Variants in AZI2 observed in about 807,000 individuals in gnomAD.
The protein encoded by AZI2 is 5-azacytidine induced 2.
A neutral mutation model predicts 45.8 loss-of-function variants in AZI2; 22 were observed. That is an observed-to-expected ratio of 0.48 (90% CI 0.34 to 0.69). The LOEUF is 0.69. Ranked by LOEUF, AZI2 falls within the 30% of genes least tolerant of loss-of-function variation. The pLI, the probability that AZI2 is intolerant of heterozygous loss-of-function variation, is 0.01. For missense variants in AZI2, 417 were observed against 441.5 expected (o/e 0.94, Z 0.50); for synonymous variants, 137 against 156.7 (o/e 0.87, Z 0.94).
intron 1 of AZI2, among the ~76,000 whole-genome samples, chr3:28,347,120 A>G (rs1704272839): frequency 6.6e-6 from 1 of 152,216 alleles, no homozygotes; most frequent in Non-Finnish European, 1.5e-5. Context: ...TACTGGTGTT[A>G]TTGAAAATTA....
intron 7 of AZI2, chr3:28,325,168 A>G (rs376240452): frequency 2.1e-3 from 313 of 150,354 alleles, no homozygotes; most frequent in African/African-American, 6.8e-3. Flanking sequence ...AGTTTTGTAC[A>G]AATGCAATGG....
At chr3:28,336,469 A>G (rs1354851198) in intron 5 of AZI2, among the ~76,000 whole-genome samples, 1 of 152,102 alleles carries the variant, frequency 6.6e-6, no homozygotes, top group Non-Finnish European at 1.5e-5. Flanking sequence ...CTGAAAGAAC[A>G]GTTATAATAA....
rs1433481118 is a variant in AZI2 at position 28,337,946 on chromosome 3, T to C, written c.430A>G (p.Thr144Ala). The C allele has an allele frequency of 6.4e-7, 1 of 1,572,530 alleles. No homozygotes were observed. The highest frequency in any genetic ancestry group is 8.7e-7 in the Non-Finnish European group (1 of 1,155,278). Residue 144 changes from threonine (T) to alanine (A), a missense_variant, in exon 4 of 8, where the codon ACT becomes GCT. Physicochemically the swap from Thr to Ala is moderately conservative, Grantham distance 58. Coordinates refer to ENST00000479665, the MANE Select transcript of AZI2 (RefSeq NM_022461.5). ...ELLQLRTEVETQQVMRNLNPP... is the reference protein window; with the variant it reads ...ELLQLRTEVEAQQVMRNLNPP... The stretch of plus-strand genomic sequence containing the variant: ...CAAGTAACTGGCATACCCTGCTGAG[T>C]TTCCACCTCTGTCCTCAGCTGGAGG...
chr3:28,332,812 G>A (rs1256556982), intron 5 of AZI2, among the ~76,000 whole-genome samples: 2 of 151,674 alleles, frequency 1.3e-5, no homozygotes, highest in African/African-American at 2.4e-5. Flanking sequence ...TGGGAAAATG[G>A]AAGTTTTTTT....
chr3:28,342,884 G>A lies in AZI2; in HGVS notation c.-5-2262C>T. On this transcript the variant is annotated intron_variant, in intron 1 of 7. Coordinates refer to ENST00000479665, the MANE Select transcript of AZI2 (RefSeq NM_022461.5). ...AATAATTTAATACTCAACCCAATGG[G>A]CAGGATTTATTCGATGTGGATTTTT... is the stretch of plus-strand genomic sequence containing the variant. 1.3e-5 allele frequency among the ~76,000 whole-genome samples: 2 copies of A among 151,958 alleles called. 1 individual carries two copies. Among genetic ancestry groups the A allele is most frequent in the Non-Finnish European group, 2.9e-5 (2 of 67,922 alleles).
chr3:28,347,796 G>C (rs1362958106), intron 1 of AZI2, among the ~76,000 whole-genome samples: 3 of 152,236 alleles, frequency 2.0e-5, no homozygotes, highest in Non-Finnish European at 2.9e-5. Flanking sequence ...ATGATCACAA[G>C]ATTGGGCAAT....
Position 28,348,784 on chromosome 3 carries a change from T to C in AZI2, c.-189A>G, listed in dbSNP as rs569981636. 1.9e-5 allele frequency: 4 copies of C among 206,062 alleles called. No homozygotes were observed. In the South Asian group the frequency reaches 6.8e-4, roughly 35 times the overall value. 12.8% of individuals were successfully genotyped at this position (206,062 alleles called of 1,614,324 possible). ...GGGCACGTCGCGGAGGGAGTCCCAT[T>C]TCTTCTGACTCGGCAGGAGCCCGGG... On this transcript the variant is annotated 5_prime_UTR_variant, in exon 1 of 8. Transcript: ENST00000479665.
chr3:28,328,557 C>G (rs1351822175), intron 6 of AZI2, among the ~76,000 whole-genome samples: 1 of 151,090 alleles, frequency 6.6e-6, no homozygotes, highest in Non-Finnish European at 1.5e-5. Flanking sequence ...ATAAACAATT[C>G]TAGTAACGTT....
At chr3:28,331,595 T>G in intron 6 of AZI2, 1 of 1,068,568 alleles carries the variant, frequency 9.4e-7, no homozygotes, top group South Asian at 3.4e-5. Flanking sequence ...TGATCATTTC[T>G]CTAAAGCAGG....
chr3:28,337,468 C>T (rs73825130), intron 4 of AZI2, among the ~76,000 whole-genome samples: 9,254 of 152,104 alleles, frequency 0.061, 899 homozygotes, highest in African/African-American at 0.2. Context: ...TTCATGGGAG[C>T]AGGCTATTTA....
At chr3:28,329,653 T>C (rs1703504621) in intron 6 of AZI2, among the ~76,000 whole-genome samples, 1 of 151,316 alleles carries the variant, frequency 6.6e-6, no homozygotes, top group East Asian at 1.9e-4. Flanking sequence ...CATATTTTTC[T>C]TTAGCATTTG....
intron 1 of AZI2, among the ~76,000 whole-genome samples, chr3:28,347,904 A>G (rs922828749): frequency 6.6e-6 from 1 of 152,252 alleles, no homozygotes; most frequent in Non-Finnish European, 1.5e-5. Flanking sequence ...TTCTACACAT[A>G]AGGCGCAAGG....
chr3:28,340,780 G>C (rs567142752), intron 1 of AZI2, among the ~76,000 whole-genome samples, 158 bp from the exon 2 acceptor site: 2 of 152,122 alleles, frequency 1.3e-5, no homozygotes, highest in African/African-American at 4.8e-5. Context: ...GTCTGACTTT[G>C]GGCAAGTTGC....
intron 7 of AZI2, among the ~76,000 whole-genome samples, chr3:28,326,217 C>CT (rs1703382372): frequency 6.6e-6 from 1 of 150,960 alleles, no homozygotes; most frequent in Admixed American, 6.6e-5. Flanking sequence ...AAAGTAGCTA[C>CT]TACTAGTTAA....
chr3:28,347,736 T>C (rs1361397416), intron 1 of AZI2, among the ~76,000 whole-genome samples: 1 of 152,280 alleles, frequency 6.6e-6, no homozygotes, highest in South Asian at 2.1e-4. Flanking sequence ...ACATTAAAAT[T>C]TGGAAATATC....
rs1703275587 is a variant in AZI2 at position 28,323,894 on chromosome 3, T to C, written c.*148A>G. The C allele has an allele frequency of 2.4e-6, 2 of 838,246 alleles. No individual in the cohort carries two copies. The highest frequency in any genetic ancestry group is 1.7e-5 in the African/African-American group (1 of 57,690). The allele number at this position is 838,246 out of a possible 1,614,324, so 51.9% of individuals were successfully genotyped here. A position where few individuals can be genotyped will look rare whatever the true frequency, so the allele number is the denominator to read the frequency against. On this transcript the variant is annotated 3_prime_UTR_variant, in exon 8 of 8. Coordinates refer to ENST00000479665, the MANE Select transcript of AZI2 (RefSeq NM_022461.5). ...AGAAAACCAACTATGTTGGTTTTTG[T>C]ACTATTGTACAGTGTGTTCAAATAT...
chr3:28,328,873 A>T (rs561633137), intron 6 of AZI2, among the ~76,000 whole-genome samples: 2 of 151,388 alleles, frequency 1.3e-5, no homozygotes, highest in East Asian at 3.9e-4. Flanking sequence ...AAAATGTTTA[A>T]ACCATTATTT....
rs143375000 is a variant in AZI2, at chr3:28,340,759, T to C, written c.-5-137A>G. On this transcript the variant is annotated intron_variant, in intron 1 of 7. Coordinates refer to ENST00000479665, the MANE Select transcript of AZI2 (RefSeq NM_022461.5). ...ACTGCCTGGGTTGTATTCTAAACTC[T>C]ACCATTTAGTGTCTGACTTTGGGCA... The C allele has an allele frequency of 6.4e-4, 417 of 651,720 alleles. 4 individuals carry two copies. In the East Asian group the frequency reaches 9.2e-3, roughly 14 times the overall value. The allele number at this position is 651,720 out of a possible 1,614,324, so 40.4% of individuals were successfully genotyped here.
rs1488639345 is a variant in AZI2 at position 28,323,014 on chromosome 3, T to C, written c.*1028A>G. On this transcript the variant is annotated 3_prime_UTR_variant, in exon 8 of 8. Transcript: ENST00000479665. ...TCTTTATTTCCAAATAATTGGCCAC[T>C]TAGAATAAGTGTGGACATTTCATGA... 7.1e-6 allele frequency: 1 copy of C among 141,666 alleles called. No homozygotes were observed. The highest frequency in any genetic ancestry group is 1.6e-5 in the Non-Finnish European group (1 of 61,204). The allele number at this position is 141,666 out of a possible 1,614,324, so 8.8% of individuals were successfully genotyped here.
Sources: gnomAD v4.1 joint callset for allele counts (sites outside exome capture counted in the v4.1 genomes callset) on GRCh38, gnomAD v4.1.1 for gene constraint, MANE v1.5 for transcripts, NCBI Gene and HGNC (gene_info 2026-07-23, HGNC 2026-07-21) for gene names.